Variants in RNPS1 observed in about 807,000 individuals in gnomAD.
The protein encoded by RNPS1 is RNA-binding protein with serine-rich domain 1.
For missense variants in RNPS1, 300 were observed against 427.6 expected (o/e 0.70, Z 2.63); for synonymous variants, 147 against 150.0 (o/e 0.98, Z 0.15).
chr16:2,253,751 G>C lies in RNPS1; in HGVS notation c.*213C>G, dbSNP rs944640589. On this transcript the variant is annotated 3_prime_UTR_variant, in exon 8 of 8. Transcript: ENST00000320225. Reference sequence around the variant, plus strand: ...CGGAAACGGATGAGCTTTCTAGCCAGAAAACCGGAGGGAATCTTGACAGGC... The same window carrying C: ...CGGAAACGGATGAGCTTTCTAGCCACAAAACCGGAGGGAATCTTGACAGGC... 1.2e-5 allele frequency: 8 copies of C among 669,850 alleles called. No homozygotes were observed. In the African/African-American group the frequency reaches 1.4e-4, roughly 12 times the overall value. 41.5% of individuals were successfully genotyped at this position (669,850 alleles called of 1,614,324 possible). A position where few individuals can be genotyped will look rare whatever the true frequency, so the allele number is the denominator to read the frequency against.
At chr16:2,255,392 T>C (rs1374684054) in intron 7 of RNPS1, among the ~76,000 whole-genome samples, 193 bp downstream of exon 7, 1 of 152,358 alleles carries the variant, frequency 6.6e-6, no homozygotes, top group African/African-American at 2.4e-5. Flanking sequence ...GGTGCAACTC[T>C]AGGGCGTCTC....
chr16:2,261,129 C>CAA (rs531553229), intron 6 of RNPS1, among the ~76,000 whole-genome samples: 2 of 125,210 alleles, frequency 1.6e-5, no homozygotes, highest in Admixed American at 8.0e-5. Context: ...GACTCCGTCT[C>CAA]AAAAAAAAAA....
At chr16:2,256,125 C>CA (rs879588180) in intron 6 of RNPS1, 1,779 of 162,486 alleles carry the variant, frequency 0.011, no homozygotes, top group South Asian at 0.042. Flanking sequence ...AACTCCGTCT[C>CA]AAAAAAAAAA....
In RNPS1 at chr16:2,253,814, G is replaced by A. The variant is rs368231329; in HGVS notation, c.*150C>T. The A allele has an allele frequency of 2.5e-4, 188 of 744,208 alleles. 2 individuals are homozygous for A. In the East Asian group the frequency reaches 4.0e-3, roughly 16 times the overall value. 46.1% of individuals were successfully genotyped at this position (744,208 alleles called of 1,614,324 possible). On this transcript the variant is annotated 3_prime_UTR_variant, in exon 8 of 8. Transcript: ENST00000320225. Reference sequence around the variant, plus strand: ...AACCAACAGCACTTCTGCAGCCGGGGCCCGGCTGGCAGAGGGGTGCTGCCT... The same window carrying A: ...AACCAACAGCACTTCTGCAGCCGGGACCCGGCTGGCAGAGGGGTGCTGCCT...
At chr16:2,263,912 T>TTTTTA in intron 3 of RNPS1, 1 of 359,714 alleles carries the variant, frequency 2.8e-6, no homozygotes, top group Non-Finnish European at 5.0e-6. Context: ...TTTTTTTTTG[T>TTTTTA]AGAGACGAGC....
intron 6 of RNPS1, chr16:2,258,419 A>G (rs1272963987): frequency 6.6e-6 from 1 of 152,234 alleles, no homozygotes; most frequent in Non-Finnish European, 1.5e-5. Context: ...CGGTAATCAC[A>G]CACCCACTAA....
intron 1 of RNPS1, chr16:2,267,147 A>C (rs1384705529): frequency 1.0e-6 from 1 of 977,764 alleles, no homozygotes; most frequent in African/African-American, 1.8e-5. Context: ...CGAGTGCTAG[A>C]AAGCAAAAGT....
At chr16:2,263,332 A>C in intron 3 of RNPS1, 45 bp from the exon 4 acceptor site, 237 of 1,591,732 alleles carry the variant, frequency 1.5e-4, no homozygotes, top group Non-Finnish European at 1.9e-4. Flanking sequence ...ACCAAGTCTC[A>C]CAGTACAGAC....
chr16:2,265,307 G>C (rs1274651886), intron 1 of RNPS1: 1 of 152,176 alleles, frequency 6.6e-6, no homozygotes, highest in Admixed American at 6.5e-5. Flanking sequence ...AAAAGCAGTA[G>C]AAGAATCATT....
At chr16:2,262,695 C>G (rs773718854) in intron 5 of RNPS1, 45 bp downstream of exon 5, 2 of 1,531,930 alleles carry the variant, frequency 1.3e-6, no homozygotes, top group Admixed American at 3.4e-5. Flanking sequence ...CACAGGCCTG[C>G]TTGTCCACAC....
chr16:2,262,253 A>C (rs745947251), intron 6 of RNPS1, 25 bp downstream of exon 6: 3 of 1,608,758 alleles, frequency 1.9e-6, no homozygotes, highest in Non-Finnish European at 2.5e-6. Flanking sequence ...CTGAGAGGTC[A>C]GGGTTATGTG....
chr16:2,260,477 T>A (rs1266511937), intron 6 of RNPS1, among the ~76,000 whole-genome samples: 1 of 152,190 alleles, frequency 6.6e-6, no homozygotes, highest in Non-Finnish European at 1.5e-5. Flanking sequence ...AAATCCGTTT[T>A]CTTTTGTAAC....
Position 2,262,583 on chromosome 16 carries a change from A to G in RNPS1, c.523-152T>C. The G allele has an allele frequency of 5.0e-6, 5 of 1,001,044 alleles. No individual in the cohort carries two copies. The South Asian group carries it at 5.9e-5, about 12-fold the overall frequency. The allele number at this position is 1,001,044 out of a possible 1,614,324, so 62.0% of individuals were successfully genotyped here. On this transcript the variant is annotated intron_variant, in intron 5 of 7. Transcript: ENST00000320225. ...GTTCTGGGATAAATCTCCCAGACACATGTATTAATGGTCCACCAAGAGGAA... is the reference window on the plus strand; with the variant it reads ...GTTCTGGGATAAATCTCCCAGACACGTGTATTAATGGTCCACCAAGAGGAA...
At chr16:2,267,206 T>C in intron 1 of RNPS1, 1 of 985,402 alleles carries the variant, frequency 1.0e-6, no homozygotes, top group Non-Finnish European at 1.2e-6. Flanking sequence ...GGACCTCGGT[T>C]ACCTCCCCCA....
In RNPS1 at chr16:2,255,479, C is replaced by T. The variant is rs533885482; in HGVS notation, c.818+106G>A. Reference sequence around the variant, plus strand: ...GAAGGGCTCCTGCTCTCTGCCAGCCCGCACAGCAGTGGAAGGCAGGCAGGG... The same window carrying T: ...GAAGGGCTCCTGCTCTCTGCCAGCCTGCACAGCAGTGGAAGGCAGGCAGGG... On this transcript the variant is annotated intron_variant, in intron 7 of 7. Transcript: ENST00000320225. 3.7e-5 allele frequency: 49 copies of T among 1,334,684 alleles called. No individual in the cohort carries two copies. The East Asian group carries it at 4.2e-4, about 12-fold the overall frequency. The allele number at this position is 1,334,684 out of a possible 1,614,324, so 82.7% of individuals were successfully genotyped here. A position where few individuals can be genotyped will look rare whatever the true frequency, so the allele number is the denominator to read the frequency against.
chr16:2,263,894 C>CTT (rs763102791), intron 3 of RNPS1: 46,188 of 206,794 alleles, frequency 0.22, 7,997 homozygotes, highest in Admixed American at 0.35. Flanking sequence ...ACAAATTACT[C>CTT]TTTTTTTTTT....
intron 1 of RNPS1, chr16:2,264,961 C>A (rs1476636217): frequency 1.1e-5 from 3 of 279,892 alleles, no homozygotes; most frequent in African/African-American, 2.2e-5. Context: ...ACAGGTACAA[C>A]TGTCGCCCCA....
At chr16:2,260,017 T>C (rs530981356) in intron 6 of RNPS1, among the ~76,000 whole-genome samples, 34 of 152,316 alleles carry the variant, frequency 2.2e-4, no homozygotes, top group Admixed American at 1.6e-3. Flanking sequence ...CCTTTTATTT[T>C]TCAAAGTCAA....
chr16:2,259,842 T>C (rs968602338), intron 6 of RNPS1, among the ~76,000 whole-genome samples: 13 of 152,280 alleles, frequency 8.5e-5, no homozygotes, highest in Admixed American at 2.0e-4. Context: ...TGAGCCGAGA[T>C]TGCGCCACTG....
Sources: allele counts gnomAD v4.1 joint callset (sites outside exome capture counted in the v4.1 genomes callset), GRCh38; gene constraint gnomAD v4.1.1; transcripts MANE v1.5; gene names NCBI Gene and HGNC (gene_info 2026-07-23, HGNC 2026-07-21).